Variants in POU6F2 observed in about 807,000 individuals in gnomAD.
POU6F2 encodes POU class 6 homeobox 2.
Under a neutral mutation model 71.3 loss-of-function variants are expected in POU6F2, and 31 were observed. The ratio of observed to expected loss-of-function variants is 0.43; its 90% CI spans 0.33 to 0.59. The LOEUF (loss-of-function observed/expected upper bound fraction) is 0.59. Among genes scored for constraint, POU6F2 ranks in the 20% least tolerant of loss-of-function variants. The pLI is 0.04. For missense variants in POU6F2, 783 were observed against 856.8 expected (o/e 0.91, Z 1.07); for synonymous variants, 347 against 355.7 (o/e 0.98, Z 0.27).
intron 7 of POU6F2, among the ~76,000 whole-genome samples, chr7:39,451,059 CA>C (rs1788648573): frequency 6.6e-6 from 1 of 152,166 alleles, no homozygotes; most frequent in South Asian, 2.1e-4. Context: ...AGTTCCCACA[CA>C]CACTCAGCCT....
At chr7:39,180,515 T>C (rs1793415357) in intron 2 of POU6F2, among the ~76,000 whole-genome samples, 1 of 152,180 alleles carries the variant, frequency 6.6e-6, no homozygotes, top group South Asian at 2.1e-4. Context: ...CAGGCTTTGA[T>C]GCTCCCAGGG....
intron 2 of POU6F2, among the ~76,000 whole-genome samples, chr7:39,162,339 C>T (rs959335506): frequency 3.3e-5 from 5 of 152,292 alleles, no homozygotes; most frequent in East Asian, 3.9e-4. Context: ...GAGTGGTACA[C>T]GTTCAGTAAG....
At chr7:39,102,170 GCTGT>G (rs1316795291) in intron 2 of POU6F2, among the ~76,000 whole-genome samples, 7 of 152,128 alleles carry the variant, frequency 4.6e-5, no homozygotes, top group Non-Finnish European at 8.8e-5. Context: ...ATCTTGACGT[GCTGT>G]CTAAGTCGCT....
At chr7:39,071,642 C>T (rs994154291) in intron 1 of POU6F2, among the ~76,000 whole-genome samples, 5 of 146,408 alleles carry the variant, frequency 3.4e-5, no homozygotes, top group African/African-American at 1.3e-4. Context: ...GGTGAAACCC[C>T]ATCTCTAAAG....
chr7:39,356,593 A>T (rs1017832771), intron 5 of POU6F2, among the ~76,000 whole-genome samples: 1 of 152,236 alleles, frequency 6.6e-6, no homozygotes, highest in African/African-American at 2.4e-5. Flanking sequence ...ACCTCTGTGT[A>T]TCCCAGGGCT....
At chr7:39,245,460 G>T (rs1368435244) in intron 4 of POU6F2, among the ~76,000 whole-genome samples, 1 of 152,144 alleles carries the variant, frequency 6.6e-6, no homozygotes, top group Non-Finnish European at 1.5e-5. Flanking sequence ...GGCCCAAGAG[G>T]TTGTCTTGAT....
intron 1 of POU6F2, among the ~76,000 whole-genome samples, chr7:39,045,583 G>A (rs925966582): frequency 1.3e-5 from 2 of 150,826 alleles, no homozygotes; most frequent in African/African-American, 4.9e-5. Context: ...TAATTTACAT[G>A]CTGTACATTC....
At chr7:39,187,520 A>G (rs1051172535) in intron 2 of POU6F2, among the ~76,000 whole-genome samples, 3 of 152,218 alleles carry the variant, frequency 2.0e-5, no homozygotes, top group Non-Finnish European at 4.4e-5. Flanking sequence ...GCATGCAGCT[A>G]TGCTTGTGGT....
intron 1 of POU6F2, among the ~76,000 whole-genome samples, chr7:38,988,082 A>G (rs971503489): frequency 5.3e-5 from 8 of 152,104 alleles, no homozygotes; most frequent in African/African-American, 1.9e-4. Context: ...CCACAGCTTT[A>G]GAAGTAAGTA....
chr7:39,295,477 G>T (rs373936222), intron 4 of POU6F2, among the ~76,000 whole-genome samples: 2 of 152,300 alleles, frequency 1.3e-5, no homozygotes, highest in African/African-American at 4.8e-5. Context: ...TTAGCCTGGC[G>T]TGATGGCACA....
At chr7:39,047,338 C>G (rs1415142938) in intron 1 of POU6F2, among the ~76,000 whole-genome samples, 1 of 151,806 alleles carries the variant, frequency 6.6e-6, no homozygotes, top group African/African-American at 2.4e-5. Flanking sequence ...GTTTTCCAAT[C>G]CATGAAAAGG....
intron 1 of POU6F2, among the ~76,000 whole-genome samples, chr7:38,986,231 T>C (rs936954973): frequency 6.6e-6 from 1 of 152,152 alleles, no homozygotes; most frequent in Non-Finnish European, 1.5e-5. Flanking sequence ...GCAACTTTTT[T>C]GTTTTTGTTT....
At chr7:39,035,054 GAC>G (rs1407620969) in intron 1 of POU6F2, among the ~76,000 whole-genome samples, 1 of 151,580 alleles carries the variant, frequency 6.6e-6, no homozygotes, top group Non-Finnish European at 1.5e-5. Context: ...TATATGCACA[GAC>G]ACACACATAT....
intron 4 of POU6F2, among the ~76,000 whole-genome samples, chr7:39,246,343 T>G (rs764314634): frequency 6.6e-6 from 1 of 152,128 alleles, no homozygotes; most frequent in Non-Finnish European, 1.5e-5. Context: ...CAGCACATAA[T>G]TGCAAATTGT....
intron 5 of POU6F2, among the ~76,000 whole-genome samples, chr7:39,355,988 C>T (rs893812165): frequency 1.3e-5 from 2 of 152,074 alleles, no homozygotes; most frequent in Non-Finnish European, 1.5e-5. Context: ...TCCACAGGCC[C>T]CTGGTCAGAG....
chr7:39,107,474 A>G (rs1174948458), intron 2 of POU6F2, among the ~76,000 whole-genome samples: 1 of 152,206 alleles, frequency 6.6e-6, no homozygotes. Flanking sequence ...TGATGAGAAA[A>G]ATATTTTCTT....
rs374048792 is a variant in POU6F2, at chr7:39,137,533, G to A, written c.277+51502G>A. On this transcript the variant is annotated intron_variant, in intron 2 of 9. Coordinates refer to ENST00000518318, the MANE Select transcript of POU6F2 (RefSeq NM_001370959.1). ...AATATCATAGAGAGAAATATAACAC[G>A]TTGTTAACAGTGATTACTTAGAGGA... Among the ~76,000 whole-genome samples the A allele has an allele frequency of 4.3e-4, 65 of 152,192 alleles. No individual in the cohort carries two copies. The South Asian group carries it at 0.011, about 25-fold the overall frequency.
At chr7:39,103,422 T>C (rs1791616350) in intron 2 of POU6F2, among the ~76,000 whole-genome samples, 1 of 152,126 alleles carries the variant, frequency 6.6e-6, no homozygotes, top group Non-Finnish European at 1.5e-5. Context: ...CATCTTCCCC[T>C]AGACAAAGAG....
At chr7:39,149,831 G>T (rs1011218832) in intron 2 of POU6F2, among the ~76,000 whole-genome samples, 1 of 151,442 alleles carries the variant, frequency 6.6e-6, no homozygotes, top group Non-Finnish European at 1.5e-5. Context: ...GGCTTATTTC[G>T]CTTAGCATAA....
Sources: gnomAD v4.1 joint callset for allele counts (sites outside exome capture counted in the v4.1 genomes callset) on GRCh38, gnomAD v4.1.1 for gene constraint, MANE v1.5 for transcripts, NCBI Gene and HGNC (gene_info 2026-07-23, HGNC 2026-07-21) for gene names.